The following BBX variants were observed in gnomAD, a reference collection of about 807,000 sequenced individuals.
BBX encodes BBX high mobility group box domain containing, also known as HMG box transcription factor BBX.
In BBX, 30 loss-of-function variants were observed where a neutral mutation model predicts 100.2. That is an observed-to-expected ratio of 0.30 (90% CI 0.22 to 0.41). The LOEUF is 0.41. Ranked by LOEUF, BBX falls within the 10% of genes least tolerant of loss-of-function variation. BBX has a pLI of 1.00. For synonymous variants in BBX, 376 were observed against 388.1 expected (o/e 0.97, Z 0.37); for missense variants, 1,023 against 1,129.8 (o/e 0.91, Z 1.35).
At chr3:107,599,555 G>A (rs373533250) in intron 2 of BBX, 1 of 152,118 alleles carries the variant, frequency 6.6e-6, no homozygotes, top group African/African-American at 2.4e-5. Flanking sequence ...AACCAGCTCT[G>A]TAGACTGCCG....
At chr3:107,594,851 G>A (rs1470494155) in intron 2 of BBX, among the ~76,000 whole-genome samples, 1 of 152,164 alleles carries the variant, frequency 6.6e-6, no homozygotes, top group Non-Finnish European at 1.5e-5. Flanking sequence ...TAAGGATACT[G>A]TCTTTTTTGA....
chr3:107,540,986 G>A (rs2048824689), intron 2 of BBX, among the ~76,000 whole-genome samples: 1 of 152,292 alleles, frequency 6.6e-6, no homozygotes, highest in South Asian at 2.1e-4. Flanking sequence ...AGCATCATCA[G>A]AGTTGGGGAG....
rs376491378 is a variant in BBX, at chr3:107,773,681, G to A, written c.1915+45G>A. On this transcript the variant is annotated intron_variant, in intron 11 of 17. Coordinates refer to ENST00000325805, the MANE Select transcript of BBX (RefSeq NM_001142568.3). This position sits in a 1 kb window ranked among gnomAD's most constrained non-coding sequence, Gnocchi z 4.1. Reference sequence around the variant, plus strand: ...CTGAAAAGAATTCAAAAACCAAACAGAATTTCACCTTTAGACCTATTGAAA... The same window carrying A: ...CTGAAAAGAATTCAAAAACCAAACAAAATTTCACCTTTAGACCTATTGAAA... 8.2e-5 allele frequency: 126 copies of A among 1,532,342 alleles called. No individual in the cohort carries two copies. Among genetic ancestry groups the A allele is most frequent in the Non-Finnish European group, 1.0e-4 (118 of 1,140,278 alleles). 94.9% of individuals were successfully genotyped at this position (1,532,342 alleles called of 1,614,324 possible).
At chr3:107,660,245 G>T (rs2058374565) in intron 3 of BBX, among the ~76,000 whole-genome samples, 1 of 151,956 alleles carries the variant, frequency 6.6e-6, no homozygotes, top group African/African-American at 2.4e-5. Flanking sequence ...AAATATATTT[G>T]TAATGGAATT....
intron 2 of BBX, among the ~76,000 whole-genome samples, chr3:107,597,229 C>T (rs2053723861): frequency 6.6e-6 from 1 of 152,056 alleles, no homozygotes; most frequent in South Asian, 2.1e-4. Flanking sequence ...TAATTTGCCT[C>T]CTTAAAACTT....
At chr3:107,779,665 A>G (rs2107835329) in intron 13 of BBX, among the ~76,000 whole-genome samples, 1 of 152,292 alleles carries the variant, frequency 6.6e-6, no homozygotes, top group East Asian at 1.9e-4. Flanking sequence ...TCGATCAGAT[A>G]TAAATATTAA....
At chr3:107,621,490 T>G (rs1481255439) in intron 2 of BBX, among the ~76,000 whole-genome samples, 2 of 152,228 alleles carry the variant, frequency 1.3e-5, no homozygotes, top group African/African-American at 4.8e-5. Flanking sequence ...CTTTTTAATG[T>G]AGCAGAGAAA....
At chr3:107,535,403 A>T (rs2048421520) in intron 2 of BBX, among the ~76,000 whole-genome samples, 1 of 152,110 alleles carries the variant, frequency 6.6e-6, no homozygotes, top group Non-Finnish European at 1.5e-5. Flanking sequence ...GCCTTTGTTT[A>T]TAAACTTAGT....
Position 107,707,086 on chromosome 3 carries a change from G to T in BBX, c.-9-3366G>T, listed in dbSNP as rs1041145187. Among the ~76,000 whole-genome samples, 10 of 152,256 alleles carry T rather than the reference G, an allele frequency of 6.6e-5. No homozygotes were observed. The South Asian group carries it at 2.1e-3, about 32-fold the overall frequency. Reference sequence around the variant, plus strand: ...TTTCATAGTTATTAGATCAATTACAGTACATTTTTCTTGATTTTTCATCTG... The same window carrying T: ...TTTCATAGTTATTAGATCAATTACATTACATTTTTCTTGATTTTTCATCTG... On this transcript the variant is annotated intron_variant, in intron 3 of 17. Coordinates refer to ENST00000325805, the MANE Select transcript of BBX (RefSeq NM_001142568.3).
chr3:107,598,784 A>T (rs1477941836), intron 2 of BBX, among the ~76,000 whole-genome samples: 1 of 152,166 alleles, frequency 6.6e-6, no homozygotes, highest in Non-Finnish European at 1.5e-5. Context: ...CCTCACCTCA[A>T]TCCTATTTAA....
chr3:107,531,566 G>T (rs938727735), intron 2 of BBX, among the ~76,000 whole-genome samples: 4 of 151,512 alleles, frequency 2.6e-5, no homozygotes, highest in African/African-American at 4.9e-5. Context: ...ATTTCTGAAA[G>T]CCTTTTAGTT....
chr3:107,720,001 C>A (rs960336098), intron 5 of BBX, among the ~76,000 whole-genome samples: 2 of 151,922 alleles, frequency 1.3e-5, no homozygotes, highest in African/African-American at 4.8e-5. Context: ...ATTTGAATGA[C>A]CTTTATCATA....
At chr3:107,656,464 C>T (rs2058151174) in intron 3 of BBX, among the ~76,000 whole-genome samples, 1 of 152,082 alleles carries the variant, frequency 6.6e-6, no homozygotes, top group African/African-American at 2.4e-5. Flanking sequence ...TTCCCTTTTC[C>T]TTGTTGAGTA....
chr3:107,709,517 A>G (rs2107294497), intron 3 of BBX, among the ~76,000 whole-genome samples: 1 of 152,366 alleles, frequency 6.6e-6, no homozygotes, highest in Admixed American at 6.5e-5. Context: ...TATTGTCAGC[A>G]TTCATGAACC....
chr3:107,652,521 A>G (rs1266530813), intron 3 of BBX, among the ~76,000 whole-genome samples: 1 of 152,220 alleles, frequency 6.6e-6, no homozygotes, highest in Non-Finnish European at 1.5e-5. Context: ...TCAAACTCAA[A>G]AACCTTGTAT....
At chr3:107,665,389 G>C (rs1002277502) in intron 3 of BBX, among the ~76,000 whole-genome samples, 2 of 152,094 alleles carry the variant, frequency 1.3e-5, no homozygotes, top group African/African-American at 4.8e-5. Flanking sequence ...CCAGTGAACT[G>C]TAAGATTCCT....
At chr3:107,660,505 T>TAAAAAAAAAAAAAAAAAAAAAAAAAAAA (rs34604623) in intron 3 of BBX, among the ~76,000 whole-genome samples, 2 of 101,322 alleles carry the variant, frequency 2.0e-5, no homozygotes, top group Non-Finnish European at 2.0e-5. Context: ...CAAAAAGCAT[T>TAAAAAAAAAAAAAAAAAAAAAAAAAAAA]AAAAAAAAAA....
intron 2 of BBX, among the ~76,000 whole-genome samples, chr3:107,620,455 G>A (rs1039429328): frequency 5.9e-5 from 9 of 152,196 alleles, no homozygotes; most frequent in African/African-American, 1.4e-4. Context: ...ACTTTCCATT[G>A]AAACCTAGAT....
At chr3:107,651,596 A>G (rs1056466522) in intron 3 of BBX, among the ~76,000 whole-genome samples, 7 of 152,172 alleles carry the variant, frequency 4.6e-5, no homozygotes, top group African/African-American at 7.2e-5. Context: ...TTGTAAGGCA[A>G]TATTCTTTTA....
Sources: gnomAD v4.1 joint callset for allele counts (sites outside exome capture counted in the v4.1 genomes callset) on GRCh38, gnomAD v4.1.1 for gene constraint, Gnocchi (gnomAD v3.1) non-coding constraint, MANE v1.5 for transcripts, NCBI Gene and HGNC (gene_info 2026-07-23, HGNC 2026-07-21) for gene names.